The following GMDS variants were observed in gnomAD, a reference collection of about 807,000 sequenced individuals.
GMDS encodes the protein GDP-mannose 4,6-dehydratase, also known as GDP-mannose 4,6 dehydratase.
A neutral mutation model predicts 49.9 loss-of-function variants in GMDS; 20 were observed. That is an observed-to-expected ratio of 0.40 (90% CI 0.28 to 0.58). The LOEUF (loss-of-function observed/expected upper bound fraction) is 0.58, where lower values mean the gene tolerates loss of function less well. Ranked by LOEUF, GMDS falls within the 20% of genes least tolerant of loss-of-function variation. The probability of loss-of-function intolerance (pLI) is 0.42; values close to 1 mark genes in which losing one functional copy is unlikely to be tolerated. For synonymous variants in GMDS, 177 were observed against 178.6 expected (o/e 0.99, Z 0.07); for missense variants, 362 against 481.4 (o/e 0.75, Z 2.32).
chr6:1,913,847 C>G (rs999646635), intron 7 of GMDS, among the ~76,000 whole-genome samples: 1 of 151,982 alleles, frequency 6.6e-6, no homozygotes, highest in Non-Finnish European at 1.5e-5. Flanking sequence ...ATAGGTCAAA[C>G]ATAAAAATGC....
At chr6:2,110,145 G>T (rs913824240) in intron 4 of GMDS, among the ~76,000 whole-genome samples, 1 of 152,106 alleles carries the variant, frequency 6.6e-6, no homozygotes, top group Non-Finnish European at 1.5e-5. Context: ...GGGTTAGCCA[G>T]GCACTAACCA....
intron 1 of GMDS, among the ~76,000 whole-genome samples, chr6:2,216,324 T>C (rs1312439540): frequency 6.6e-6 from 1 of 152,234 alleles, no homozygotes; most frequent in African/African-American, 2.4e-5. Flanking sequence ...AGACTAACAA[T>C]CTCATTCCAT....
intron 1 of GMDS, among the ~76,000 whole-genome samples, chr6:2,242,340 G>C (rs1199883323): frequency 6.6e-6 from 1 of 152,236 alleles, no homozygotes; most frequent in African/African-American, 2.4e-5. Flanking sequence ...CCTGGAGACA[G>C]CAATGCAAAG....
At chr6:1,652,455 TTATATATAATATATTATATATATTATA>T (rs1763698401) in intron 9 of GMDS, among the ~76,000 whole-genome samples, 1 of 9,190 alleles carries the variant, frequency 1.1e-4, no homozygotes, top group Non-Finnish European at 2.1e-4. Context: ...TATATATTAT[TTATATATAATATATTATATATATTATA>T]TATAATATAT....
chr6:1,778,226 T>C lies in GMDS; in HGVS notation c.772-35640A>G, dbSNP rs1344732319. ...CATTTTGCTGGGATGACTATTTATATGACAGGTAAGGGAATAACTTTGCTG... is the reference window on the plus strand; with the variant it reads ...CATTTTGCTGGGATGACTATTTATACGACAGGTAAGGGAATAACTTTGCTG... On this transcript the variant is annotated intron_variant, in intron 7 of 10. Transcript: ENST00000380815. The surrounding 1 kb of genome is among the most constrained non-coding windows in gnomAD (Gnocchi z 4.6). Among the ~76,000 whole-genome samples the C allele has an allele frequency of 6.6e-6, 1 of 152,194 alleles. No homozygotes were observed. The highest frequency in any genetic ancestry group is 2.4e-5 in the African/African-American group (1 of 41,430).
chr6:1,699,564 G>A (rs1333858700), intron 9 of GMDS, among the ~76,000 whole-genome samples: 1 of 152,148 alleles, frequency 6.6e-6, no homozygotes, highest in Non-Finnish European at 1.5e-5. Context: ...CCAGCTTCTA[G>A]AGGCGCCTAC....
chr6:2,204,414 A>G (rs1779693140), intron 1 of GMDS, among the ~76,000 whole-genome samples: 1 of 152,156 alleles, frequency 6.6e-6, no homozygotes, highest in African/African-American at 2.4e-5. Flanking sequence ...CACTCATTCA[A>G]CTAATATTTA....
chr6:1,668,393 T>C (rs929147717), intron 9 of GMDS, among the ~76,000 whole-genome samples: 1 of 152,132 alleles, frequency 6.6e-6, no homozygotes, highest in Non-Finnish European at 1.5e-5. Context: ...TTATAAAAAT[T>C]AGGTAGAAAA....
intron 7 of GMDS, among the ~76,000 whole-genome samples, chr6:1,759,697 C>T (rs6916153): frequency 6.6e-6 from 1 of 151,920 alleles, no homozygotes; most frequent in Non-Finnish European, 1.5e-5. Flanking sequence ...TAGGAAAAAG[C>T]GTTTTAAAAG....
rs114067303 is a variant in GMDS, at chr6:1,985,162, C to T, written c.346-24196G>A. 4.7e-3 allele frequency among the ~76,000 whole-genome samples: 723 copies of T among 152,282 alleles called. 7 individuals carry two copies. Among genetic ancestry groups the T allele is most frequent in the African/African-American group, 0.017 (689 of 41,568 alleles). ...AAGAGGCACATGGCAACAGACAAAG[C>T]TTTACACAAGGGTCTGCTCCAGATG... On this transcript the variant is annotated intron_variant, in intron 4 of 10. Transcript: ENST00000380815.
At chr6:2,181,879 G>A (rs138636166) in intron 1 of GMDS, among the ~76,000 whole-genome samples, 223 of 152,332 alleles carry the variant, frequency 1.5e-3, no homozygotes, top group Admixed American at 3.5e-3. Context: ...GAAAGGAACA[G>A]TCACACATCT....
At chr6:1,862,128 G>A (rs924215188) in intron 7 of GMDS, among the ~76,000 whole-genome samples, 2 of 152,328 alleles carry the variant, frequency 1.3e-5, no homozygotes, top group Non-Finnish European at 1.5e-5. Flanking sequence ...CAGGAAGGGA[G>A]TTGATGATGA....
intron 4 of GMDS, among the ~76,000 whole-genome samples, chr6:2,007,601 C>T (rs1194481111): frequency 1.3e-5 from 2 of 150,694 alleles, no homozygotes; most frequent in African/African-American, 2.4e-5. Flanking sequence ...TTCTTTCCAA[C>T]TTTTATTTTA....
chr6:1,644,221 G>A (rs1292654426), intron 9 of GMDS, among the ~76,000 whole-genome samples: 1 of 152,182 alleles, frequency 6.6e-6, no homozygotes, highest in Non-Finnish European at 1.5e-5. Flanking sequence ...CACCGCCAGG[G>A]GAGACCCCTG....
chr6:1,946,080 C>A (rs574441563), intron 6 of GMDS, among the ~76,000 whole-genome samples: 2 of 152,280 alleles, frequency 1.3e-5, no homozygotes, highest in African/African-American at 4.8e-5. Context: ...TCATCACTTC[C>A]TTTTCTCACT....
intron 7 of GMDS, among the ~76,000 whole-genome samples, chr6:1,904,885 A>G (rs759988288): frequency 2.6e-5 from 4 of 152,222 alleles, no homozygotes; most frequent in Non-Finnish European, 4.4e-5. Flanking sequence ...TGGTTGACAA[A>G]GGGCAACGTC....
At chr6:1,719,713 C>T (rs6596846) in intron 9 of GMDS, among the ~76,000 whole-genome samples, 127,888 of 152,060 alleles carry the variant, frequency 0.84, 54,225 homozygotes, top group East Asian at 1. Context: ...GGTAATCACA[C>T]CAGGGACGAA....
intron 4 of GMDS, among the ~76,000 whole-genome samples, chr6:2,038,384 G>A (rs982102730): frequency 3.3e-5 from 5 of 152,132 alleles, no homozygotes; most frequent in African/African-American, 7.2e-5. Context: ...CAGAAAAGCC[G>A]CGCTCAAGAA....
chr6:2,045,388 T>A (rs1397327373), intron 4 of GMDS, among the ~76,000 whole-genome samples: 4 of 152,004 alleles, frequency 2.6e-5, no homozygotes, highest in Non-Finnish European at 4.4e-5. Context: ...TCCTCTATTT[T>A]TTCAGGTTCT....
Sources: gnomAD v4.1 joint callset for allele counts (sites outside exome capture counted in the v4.1 genomes callset) on GRCh38, gnomAD v4.1.1 for gene constraint, Gnocchi (gnomAD v3.1) non-coding constraint, MANE v1.5 for transcripts, NCBI Gene and HGNC (gene_info 2026-07-23, HGNC 2026-07-21) for gene names.